PDHX: variants seen among roughly 807,000 people sequenced by gnomAD.
The protein encoded by PDHX is pyruvate dehydrogenase protein X component, mitochondrial.
Under a neutral mutation model 55.3 loss-of-function variants are expected in PDHX, and 33 were observed. The ratio of observed to expected loss-of-function variants is 0.60; its 90% CI spans 0.45 to 0.80. The LOEUF is 0.80. PDHX is among the 30% of genes least tolerant of loss of function. The pLI is 0.00. For missense variants in PDHX, 622 were observed against 619.9 expected (o/e 1.00, Z -0.04); for synonymous variants, 226 against 219.4 (o/e 1.03, Z -0.27).
At position 34,982,255 on chromosome 11, in the gene PDHX, G is replaced by A. The variant is rs941061046; in HGVS notation, c.1024-2315G>A. On this transcript the variant is annotated intron_variant, in intron 8 of 10. Coordinates refer to ENST00000227868, the MANE Select transcript of PDHX (RefSeq NM_003477.3). The stretch of plus-strand genomic sequence containing the variant: ...TTTTCCCAGCACCATTTATTAAATA[G>A]GGAATCGTTTCCCCATTTCTTGTTT... 6.6e-5 allele frequency among the ~76,000 whole-genome samples: 10 copies of A among 152,286 alleles called. No individual in the cohort carries two copies. In the South Asian group the frequency reaches 2.1e-3, roughly 32 times the overall value.
At chr11:34,982,532 T>A (rs189001018) in intron 8 of PDHX, among the ~76,000 whole-genome samples, 58 of 151,698 alleles carry the variant, frequency 3.8e-4, no homozygotes, top group Admixed American at 3.5e-3. Flanking sequence ...CTAGCAAGAC[T>A]AATAAAGAAG....
intron 2 of PDHX, among the ~76,000 whole-genome samples, chr11:34,940,033 T>C (rs1854434909): frequency 6.6e-6 from 1 of 152,224 alleles, no homozygotes; most frequent in African/African-American, 2.4e-5. Flanking sequence ...AACTGTCAAA[T>C]CTGTTAAAAT....
At chr11:34,965,841 A>AT (rs1433813891) in intron 5 of PDHX, among the ~76,000 whole-genome samples, 1 of 152,036 alleles carries the variant, frequency 6.6e-6, no homozygotes, top group African/African-American at 2.4e-5. Flanking sequence ...ATATAAAACA[A>AT]TTTTTTTTCT....
chr11:34,923,976 G>A (rs1361367496), intron 1 of PDHX, among the ~76,000 whole-genome samples: 1 of 152,170 alleles, frequency 6.6e-6, no homozygotes, highest in African/African-American at 2.4e-5. Context: ...ATAAGGTAAA[G>A]GAGAGAGTAA....
chr11:34,920,778 G>A (rs1853861624), intron 1 of PDHX, among the ~76,000 whole-genome samples: 1 of 152,082 alleles, frequency 6.6e-6, no homozygotes, highest in African/African-American at 2.4e-5. Flanking sequence ...TCTACGGAAG[G>A]CAGAAGACAA....
chr11:34,929,079 T>A (rs1312620986), intron 1 of PDHX, among the ~76,000 whole-genome samples: 2 of 152,240 alleles, frequency 1.3e-5, no homozygotes, highest in East Asian at 3.8e-4. Context: ...TGGATGGCTT[T>A]GTTCTTCAGT....
At chr11:34,953,949 C>G (rs1565158653) in intron 3 of PDHX, among the ~76,000 whole-genome samples, 1 of 152,212 alleles carries the variant, frequency 6.6e-6, no homozygotes, top group Non-Finnish European at 1.5e-5. Context: ...TCTTCTTCCC[C>G]TCTGTATTTT....
chr11:34,973,574 A>G (rs756438333), intron 7 of PDHX, among the ~76,000 whole-genome samples: 1 of 151,496 alleles, frequency 6.6e-6, no homozygotes, highest in Non-Finnish European at 1.5e-5. Context: ...CTGCTTTGCA[A>G]TGGTTTTCTT....
Position 34,924,409 on chromosome 11 carries a change from C to T in PDHX, c.161-6995C>T, listed in dbSNP as rs150113171. ...CTAATTTTTGTATTTTTAGTAAAGACGGGCTTTCACCATGTTGTCCAGGCT... is the reference window on the plus strand; with the variant it reads ...CTAATTTTTGTATTTTTAGTAAAGATGGGCTTTCACCATGTTGTCCAGGCT... On this transcript the variant is annotated intron_variant, in intron 1 of 10. Coordinates refer to ENST00000227868, the MANE Select transcript of PDHX (RefSeq NM_003477.3). 6.3e-3 allele frequency among the ~76,000 whole-genome samples: 957 copies of T among 152,152 alleles called. 13 individuals are homozygous for T. The highest frequency in any genetic ancestry group is 0.022 in the African/African-American group (919 of 41,510).
chr11:34,968,873 A>T (rs1277605272), intron 6 of PDHX, among the ~76,000 whole-genome samples: 1 of 152,086 alleles, frequency 6.6e-6, no homozygotes, highest in Non-Finnish European at 1.5e-5. Context: ...ATTTATTGAG[A>T]TTTATTTTAT....
At chr11:34,975,341 A>G (rs1408583095) in intron 7 of PDHX, among the ~76,000 whole-genome samples, 2 of 151,622 alleles carry the variant, frequency 1.3e-5, no homozygotes, top group East Asian at 1.9e-4. Context: ...CTTCTGTTCC[A>G]TGTGGTTTCT....
rs566348868 is a variant in PDHX at position 34,988,644 on chromosome 11, A to G, written c.1183-3671A>G. ...GAATAGCTAAGGACTCAACAGTTAT[A>G]CCAAATGCACCATAATTAGTTGATT... On this transcript the variant is annotated intron_variant, in intron 9 of 10. Transcript: ENST00000227868. Among the ~76,000 whole-genome samples the G allele has an allele frequency of 1.1e-4, 17 of 152,156 alleles. No individual in the cohort carries two copies. The South Asian group carries it at 3.1e-3, about 28-fold the overall frequency.
At chr11:34,926,985 T>A in intron 1 of PDHX, among the ~76,000 whole-genome samples, 1 of 151,166 alleles carries the variant, frequency 6.6e-6, no homozygotes. Flanking sequence ...AAGCAAAAAA[T>A]TTTAATGTAT....
At chr11:34,958,463 G>C (rs534034893) in intron 4 of PDHX, among the ~76,000 whole-genome samples, 1 of 152,154 alleles carries the variant, frequency 6.6e-6, no homozygotes, top group African/African-American at 2.4e-5. Context: ...ACCATGCCTG[G>C]CTAATTTTTT....
At chr11:34,916,557 A>T (rs559322053), upstream of PDHX, 8 of 1,527,542 alleles carry the variant, frequency 5.2e-6, no homozygotes, top group South Asian at 9.7e-5. Flanking sequence ...ACCTAAAGGC[A>T]CCGCTAGCGT....
intron 9 of PDHX, among the ~76,000 whole-genome samples, chr11:34,990,044 G>A (rs1223616655): frequency 6.6e-6 from 1 of 152,158 alleles, no homozygotes; most frequent in Non-Finnish European, 1.5e-5. Flanking sequence ...TTGACCCTCT[G>A]TAATCCCAAG....
chr11:34,958,849 A>G (rs1188361444), intron 4 of PDHX, among the ~76,000 whole-genome samples: 2 of 152,186 alleles, frequency 1.3e-5, no homozygotes, highest in East Asian at 1.9e-4. Context: ...CTGACCTGTG[A>G]ACTCTGCATA....
intron 5 of PDHX, among the ~76,000 whole-genome samples, chr11:34,962,393 G>C (rs903847108): frequency 2.0e-5 from 3 of 152,146 alleles, no homozygotes; most frequent in African/African-American, 7.2e-5. Context: ...ACAAGTAAGG[G>C]AATGAATTTG....
intron 3 of PDHX, among the ~76,000 whole-genome samples, chr11:34,952,847 TAGGC>T (rs1353053382): frequency 6.7e-6 from 1 of 149,536 alleles, no homozygotes; most frequent in African/African-American, 2.5e-5. Flanking sequence ...CCAGGGCAAT[TAGGC>T]AGGAGAAGTA....
Sources: allele counts gnomAD v4.1 joint callset (sites outside exome capture counted in the v4.1 genomes callset), GRCh38; gene constraint gnomAD v4.1.1; transcripts MANE v1.5; gene names NCBI Gene and HGNC (gene_info 2026-07-23, HGNC 2026-07-21).